The following OLIG2 variants were observed in gnomAD, a reference collection of about 807,000 sequenced individuals.
OLIG2 encodes the protein basic domain, helix-loop-helix protein, class B, 1.
In OLIG2, 12 loss-of-function variants were observed where a neutral mutation model predicts 13.4. The observed-to-expected ratio is 0.90, with a 90% CI of 0.58 to 1.46. The LOEUF (loss-of-function observed/expected upper bound fraction) is 1.46. Among genes scored for constraint, OLIG2 ranks in the 40% most tolerant of loss-of-function variants. The pLI is 0.00. For missense variants in OLIG2, 415 were observed against 487.9 expected (o/e 0.85, Z 1.41); for synonymous variants, 250 against 233.6 (o/e 1.07, Z -0.64).
rs1981074831 is a variant in OLIG2, at chr21:33,026,452, G to A, written c.-62-349G>A. On this transcript the variant is annotated intron_variant, in intron 1 of 1. Coordinates refer to ENST00000382357, the MANE Select transcript of OLIG2 (RefSeq NM_005806.4). This position sits in a 1 kb window ranked among gnomAD's most constrained non-coding sequence, Gnocchi z 6.6. ...AAAGAAAGGCCCTCACTTCCCACTC[G>A]TTTATTCCAGCCCGGGGGCTCAGTT... 2 of 213,138 alleles carry A rather than the reference G, an allele frequency of 9.4e-6. No individual in the cohort carries two copies. The highest frequency in any genetic ancestry group is 1.9e-5 in the Non-Finnish European group (2 of 104,642). The allele number at this position is 213,138 out of a possible 1,614,324, so 13.2% of individuals were successfully genotyped here.
Position 33,027,174 on chromosome 21 carries a change from G to A in OLIG2, c.312G>A (p.Pro104=). The part of the protein sequence containing the change: ...TKKDKKQMTE[P]ELQQLRLKIN... ...AGGACAAGAAGCAAATGACAGAGCC[G>A]GAGCTGCAGCAGCTGCGTCTCAAGA... is the stretch of plus-strand genomic sequence containing the variant. Residue 104 remains proline, a synonymous_variant, in exon 2 of 2, where the codon CCG becomes CCA. Coordinates refer to ENST00000382357, the MANE Select transcript of OLIG2 (RefSeq NM_005806.4). The A allele has an allele frequency of 6.2e-7, 1 of 1,610,862 alleles. No individual in the cohort carries two copies. The highest frequency in any genetic ancestry group is 8.5e-7 in the Non-Finnish European group (1 of 1,178,998).
Position 33,027,593 on chromosome 21 carries a change from CCGGATCCGG to C in OLIG2, c.732_740del (p.Gly245_Gly247del). 6.8e-7 allele frequency: 1 copy of C among 1,478,628 alleles called. No individual in the cohort carries two copies. Among genetic ancestry groups the C allele is most frequent in the Non-Finnish European group, 8.9e-7 (1 of 1,120,562 alleles). 91.6% of individuals were successfully genotyped at this position (1,478,628 alleles called of 1,614,324 possible). ...GCGGCTGTGTCCAGCGCCTCTCTGC[CCGGATCCGG>C]GCTGCCGTCGGTCGGCTCCATCCGT... On this transcript the variant is annotated inframe_deletion, in exon 2 of 2. Transcript: ENST00000382357.
rs905084973 is a variant in OLIG2, at chr21:33,027,877, G to T, written c.*43G>T. On this transcript the variant is annotated 3_prime_UTR_variant, in exon 2 of 2. Transcript: ENST00000382357. ...CGTTCTGGCGACAGGGGAGCCAGGGGCCGCGGGGAAGCGAGGACTGGCCTG... is the reference window on the plus strand; with the variant it reads ...CGTTCTGGCGACAGGGGAGCCAGGGTCCGCGGGGAAGCGAGGACTGGCCTG... The T allele has an allele frequency of 2.2e-6, 3 of 1,357,784 alleles. No homozygotes were observed. The highest frequency in any genetic ancestry group is 1.9e-6 in the Non-Finnish European group (2 of 1,060,494). The allele number at this position is 1,357,784 out of a possible 1,614,324, so 84.1% of individuals were successfully genotyped here. A position where few individuals can be genotyped will look rare whatever the true frequency, so the allele number is the denominator to read the frequency against.
chr21:33,027,259 G>T lies in OLIG2; in HGVS notation c.397G>T (p.Glu133Ter). Residue 133 changes from glutamate to a stop codon, truncating the protein, a stop_gained, in exon 2 of 2, where the codon GAG (glutamate) becomes TAG (stop). Coordinates refer to ENST00000382357, the MANE Select transcript of OLIG2 (RefSeq NM_005806.4). LOFTEE classifies it high-confidence loss of function. ...DLNIAMDGLR[E>*]VMPYAHGPSV... ...CAACATCGCCATGGATGGCCTCCGC[G>T]AGGTCATGCCGTACGCACACGGCCC... is the stretch of plus-strand genomic sequence containing the variant. 1.2e-6 allele frequency: 2 copies of T among 1,610,096 alleles called. No homozygotes were observed. Among genetic ancestry groups the T allele is most frequent in the Non-Finnish European group, 1.7e-6 (2 of 1,178,616 alleles).
rs1981202978 is a variant in OLIG2 at position 33,028,639 on chromosome 21, G to A, written c.*805G>A. Reference sequence around the variant, plus strand: ...CCAAAACTGCCGATTTCAGGGGCGGGTGCATTGTAGTTATTATTTTAAAAT... The same window carrying A: ...CCAAAACTGCCGATTTCAGGGGCGGATGCATTGTAGTTATTATTTTAAAAT... On this transcript the variant is annotated 3_prime_UTR_variant, in exon 2 of 2. Transcript: ENST00000382357. The A allele has an allele frequency of 4.2e-6, 1 of 239,766 alleles. No homozygotes were observed. The highest frequency in any genetic ancestry group is 5.7e-5 in the Admixed American group (1 of 17,488). The allele number at this position is 239,766 out of a possible 1,614,324, so 14.9% of individuals were successfully genotyped here.
chr21:33,026,754 C>CTCTCTCTCTCTCTCAT lies in OLIG2; in HGVS notation c.-62-37_-62-22dup. On this transcript the variant is annotated intron_variant, in intron 1 of 1. Coordinates refer to ENST00000382357, the MANE Select transcript of OLIG2 (RefSeq NM_005806.4). This position sits in a 1 kb window ranked among gnomAD's most constrained non-coding sequence, Gnocchi z 6.6. The stretch of plus-strand genomic sequence containing the variant: ...ACTGACTCACTCTCTCTCTCTCTCC[C>CTCTCTCTCTCTCTCAT]TCTCTCTCTCTCTCATTCTCTCTCT... 1.0e-6 allele frequency: 1 copy of CTCTCTCTCTCTCTCAT among 964,360 alleles called. No homozygotes were observed. The highest frequency in any genetic ancestry group is 1.4e-6 in the Non-Finnish European group (1 of 698,930). 59.7% of individuals were successfully genotyped at this position (964,360 alleles called of 1,614,324 possible).
At position 33,027,760 on chromosome 21, in the gene OLIG2, G is replaced by C; in HGVS notation, c.898G>C (p.Val300Leu). ...GMPCPCSMCQVPPPHHHVSAM... is the reference protein window; with the variant it reads ...GMPCPCSMCQLPPPHHHVSAM... ...GCCCTGCCCCTGCAGCATGTGCCAG[G>C]TGCCGCCGCCGCACCACCACGTGTC... The change falls in exon 2 of 2, where the codon GTG (valine) becomes CTG (leucine). Residue 300 changes from valine (V) to leucine (L), a missense_variant. By Grantham distance (32) the Val-to-Leu change is conservative (BLOSUM62 1). Around this residue, in one of 3 missense-constraint regions of OLIG2, gnomAD observed 243 missense variants for 241.2 expected, o/e 1.01. Coordinates refer to ENST00000382357, the MANE Select transcript of OLIG2 (RefSeq NM_005806.4). 1.4e-6 allele frequency: 2 copies of C among 1,410,376 alleles called. No homozygotes were observed. The highest frequency in any genetic ancestry group is 3.1e-5 in the Admixed American group (1 of 32,188). The allele number at this position is 1,410,376 out of a possible 1,614,324, so 87.4% of individuals were successfully genotyped here.
rs1303772241 is a variant in OLIG2 at position 33,026,776 on chromosome 21, CTCTT to C, written c.-62-23_-62-20del. On this transcript the variant is annotated intron_variant, in intron 1 of 1. Transcript: ENST00000382357. This position sits in a 1 kb window ranked among gnomAD's most constrained non-coding sequence, Gnocchi z 6.6. ...TCCCTCTCTCTCTCTCTCATTCTCTCTCTTTTCTCCTCCTCTCCTGGAAGTTTTC... is the reference window on the plus strand; with the variant it reads ...TCCCTCTCTCTCTCTCTCATTCTCTCTTCTCCTCCTCTCCTGGAAGTTTTC... The C allele has an allele frequency of 6.7e-7, 1 of 1,498,392 alleles. No individual in the cohort carries two copies. 92.8% of individuals were successfully genotyped at this position (1,498,392 alleles called of 1,614,324 possible). A position where few individuals can be genotyped will look rare whatever the true frequency, so the allele number is the denominator to read the frequency against.
Position 33,026,774 on chromosome 21 carries a change from C to T in OLIG2, c.-62-27C>T. On this transcript the variant is annotated intron_variant, in intron 1 of 1. Coordinates refer to ENST00000382357, the MANE Select transcript of OLIG2 (RefSeq NM_005806.4). The surrounding 1 kb of genome is among the most constrained non-coding windows in gnomAD (Gnocchi z 6.6). ...TCTCCCTCTCTCTCTCTCTCATTCTCTCTCTTTTCTCCTCCTCTCCTGGAA... is the reference window on the plus strand; with the variant it reads ...TCTCCCTCTCTCTCTCTCTCATTCTTTCTCTTTTCTCCTCCTCTCCTGGAA... 6.7e-7 allele frequency: 1 copy of T among 1,486,934 alleles called. No homozygotes were observed. The highest frequency in any genetic ancestry group is 2.3e-5 in the East Asian group (1 of 43,276). 92.1% of individuals were successfully genotyped at this position (1,486,934 alleles called of 1,614,324 possible).
In OLIG2 at chr21:33,027,448, G is replaced by A. The variant is rs1486785505; in HGVS notation, c.586G>A (p.Ala196Thr). Residue 196 changes from alanine (A) to threonine (T), a missense_variant, in exon 2 of 2, where the codon GCG (alanine) becomes ACG (threonine). Transcript: ENST00000382357. Reference sequence around the variant, plus strand: ...GGCCTGCGGCGGCCTGGCGCACTCCGCGCCCCTGCCCGCCGCCACCGCGCA... The same window carrying A: ...GGCCTGCGGCGGCCTGGCGCACTCCACGCCCCTGCCCGCCGCCACCGCGCA... ...PSACGGLAHS[A>T]PLPAATAHPA... 6.6e-7 allele frequency: 1 copy of A among 1,520,684 alleles called. No homozygotes were observed. The highest frequency in any genetic ancestry group is 8.8e-7 in the Non-Finnish European group (1 of 1,139,348). The allele number at this position is 1,520,684 out of a possible 1,614,324, so 94.2% of individuals were successfully genotyped here.
At position 33,026,739 on chromosome 21, in the gene OLIG2, T is replaced by A; in HGVS notation, c.-62-62T>A. 3.1e-6 allele frequency: 3 copies of A among 965,292 alleles called. No individual in the cohort carries two copies. The highest frequency in any genetic ancestry group is 3.1e-5 in the Admixed American group (1 of 32,692). 59.8% of individuals were successfully genotyped at this position (965,292 alleles called of 1,614,324 possible). On this transcript the variant is annotated intron_variant, in intron 1 of 1. Transcript: ENST00000382357. The surrounding 1 kb of genome is among the most constrained non-coding windows in gnomAD (Gnocchi z 6.6). ...GCTTTTCTGTCTCTCACTGACTCAC[T>A]CTCTCTCTCTCTCCCTCTCTCTCTC...
In OLIG2 at chr21:33,026,786, C is replaced by T. The variant is rs1981090968; in HGVS notation, c.-62-15C>T. 1.3e-6 allele frequency: 2 copies of T among 1,532,928 alleles called. No homozygotes were observed. The highest frequency in any genetic ancestry group is 1.8e-6 in the Non-Finnish European group (2 of 1,132,724). 95.0% of individuals were successfully genotyped at this position (1,532,928 alleles called of 1,614,324 possible). On this transcript the variant is annotated splice_polypyrimidine_tract_variant and intron_variant, in intron 1 of 1. Transcript: ENST00000382357. The surrounding 1 kb of genome is among the most constrained non-coding windows in gnomAD (Gnocchi z 6.6). ...TCTCTCTCATTCTCTCTCTTTTCTC[C>T]TCCTCTCCTGGAAGTTTTCGGGTCC... is the stretch of plus-strand genomic sequence containing the variant.
rs1384190016 is a variant in OLIG2 at position 33,027,042 on chromosome 21, C to T, written c.180C>T (p.Gly60=). 6.2e-7 allele frequency: 1 copy of T among 1,611,834 alleles called. No homozygotes were observed. The highest frequency in any genetic ancestry group is 8.5e-7 in the Non-Finnish European group (1 of 1,179,100). The change falls in exon 2 of 2, where the codon GGC becomes GGT. Residue 60 remains glycine (G), a synonymous_variant. Transcript: ENST00000382357. The part of the protein sequence containing the change: ...ELSAELRGAM[G]SAGAHPGDKL... ...GCGCCGAGCTGCGCGGCGCTATGGG[C>T]TCTGCGGGCGCGCATCCTGGGGACA...
chr21:33,028,163 C>T lies in OLIG2; in HGVS notation c.*329C>T. ...TCATCCGACCCCCGACCCCCACCTC[C>T]GGGAAAAGATTCTAAAAACTTCTTT... On this transcript the variant is annotated 3_prime_UTR_variant, in exon 2 of 2. Transcript: ENST00000382357. 5 of 307,752 alleles carry T rather than the reference C, an allele frequency of 1.6e-5. No individual in the cohort carries two copies. The highest frequency in any genetic ancestry group is 1.8e-3 in the Middle Eastern group (2 of 1,114). 19.1% of individuals were successfully genotyped at this position (307,752 alleles called of 1,614,324 possible). A position where few individuals can be genotyped will look rare whatever the true frequency, so the allele number is the denominator to read the frequency against.
In OLIG2 at chr21:33,026,767, T is replaced by C; in HGVS notation, c.-62-34T>C. 1 of 1,429,228 alleles carries C rather than the reference T, an allele frequency of 7.0e-7. No homozygotes were observed. The highest frequency in any genetic ancestry group is 1.3e-5 in the South Asian group (1 of 77,222). The allele number at this position is 1,429,228 out of a possible 1,614,324, so 88.5% of individuals were successfully genotyped here. ...CTCTCTCTCTCCCTCTCTCTCTCTC[T>C]CATTCTCTCTCTTTTCTCCTCCTCT... On this transcript the variant is annotated intron_variant, in intron 1 of 1. Coordinates refer to ENST00000382357, the MANE Select transcript of OLIG2 (RefSeq NM_005806.4). This position sits in a 1 kb window ranked among gnomAD's most constrained non-coding sequence, Gnocchi z 6.6.
At position 33,027,053 on chromosome 21, in the gene OLIG2, C is replaced by T; in HGVS notation, c.191C>T (p.Ala64Val). ...CGCGGCGCTATGGGCTCTGCGGGCG[C>T]GCATCCTGGGGACAAGCTAGGAGGC... ...ELRGAMGSAG[A>V]HPGDKLGGSG... The change falls in exon 2 of 2, where the codon GCG (alanine) becomes GTG (valine). Residue 64 changes from alanine to valine, a missense_variant. Ala to Val is a moderately conservative substitution (Grantham distance 64). This residue lies in a region of OLIG2 where 122 missense variants were observed against 126.8 expected (regional missense o/e 0.96). Coordinates refer to ENST00000382357, the MANE Select transcript of OLIG2 (RefSeq NM_005806.4). 1 of 1,611,790 alleles carries T rather than the reference C, an allele frequency of 6.2e-7. No homozygotes were observed. The highest frequency in any genetic ancestry group is 8.5e-7 in the Non-Finnish European group (1 of 1,179,082).
Position 33,027,292 on chromosome 21 carries a change from C to T in OLIG2, c.430C>T (p.Arg144Cys). The T allele has an allele frequency of 6.2e-7, 1 of 1,606,392 alleles. No individual in the cohort carries two copies. The highest frequency in any genetic ancestry group is 8.5e-7 in the Non-Finnish European group (1 of 1,176,848). The change falls in exon 2 of 2, where the codon CGC becomes TGC. Residue 144 changes from arginine (R) to cysteine (C), a missense_variant. Transcript: ENST00000382357. ...GCCGTACGCACACGGCCCTTCGGTGCGCAAGCTTTCCAAGATCGCCACGCT... is the reference window on the plus strand; with the variant it reads ...GCCGTACGCACACGGCCCTTCGGTGTGCAAGCTTTCCAAGATCGCCACGCT... ...VMPYAHGPSV[R>C]KLSKIATLLL...
Position 33,027,976 on chromosome 21 carries a change from C to CA in OLIG2, c.*143dup. Reference sequence around the variant, plus strand: ...TGGGGGTGGGGCATGGTGGGGATTCCAGCATCTGCGAACCCAAGCAATGGG... The same window carrying CA: ...TGGGGGTGGGGCATGGTGGGGATTCCAAGCATCTGCGAACCCAAGCAATGGG... On this transcript the variant is annotated 3_prime_UTR_variant, in exon 2 of 2. Transcript: ENST00000382357. The CA allele has an allele frequency of 1.0e-6, 1 of 982,192 alleles. No homozygotes were observed. The highest frequency in any genetic ancestry group is 2.7e-5 in the South Asian group (1 of 36,696). The allele number at this position is 982,192 out of a possible 1,614,324, so 60.8% of individuals were successfully genotyped here.
In OLIG2 at chr21:33,028,794, T is replaced by G. The variant is rs562865022; in HGVS notation, c.*960T>G. 4 of 243,462 alleles carry G rather than the reference T, an allele frequency of 1.6e-5. No homozygotes were observed. The Admixed American group carries it at 2.3e-4, about 14-fold the overall frequency. The allele number at this position is 243,462 out of a possible 1,614,324, so 15.1% of individuals were successfully genotyped here. On this transcript the variant is annotated 3_prime_UTR_variant, in exon 2 of 2. Transcript: ENST00000382357. ...CAGTTTGGGTTATTTGGGGGTTCTGTTGGCTTTTTAAAATTTTCTTTTTTG... is the reference window on the plus strand; with the variant it reads ...CAGTTTGGGTTATTTGGGGGTTCTGGTGGCTTTTTAAAATTTTCTTTTTTG...
Sources: allele counts gnomAD v4.1 joint callset, GRCh38; gene constraint gnomAD v4.1.1; regional missense constraint gnomAD v4.1.1; non-coding constraint Gnocchi (gnomAD v3.1); transcripts MANE v1.5; gene names NCBI Gene and HGNC (gene_info 2026-07-23, HGNC 2026-07-21).